Variants in CHL1 observed in about 807,000 individuals in gnomAD.
CHL1 encodes the protein cell adhesion molecule L1 like.
A neutral mutation model predicts 141.9 loss-of-function variants in CHL1; 96 were observed. The ratio of observed to expected loss-of-function variants is 0.68; its 90% confidence interval spans 0.57 to 0.80. The LOEUF (loss-of-function observed/expected upper bound fraction) is 0.80, where lower values mean the gene tolerates loss of function less well. CHL1 is among the 30% of genes least tolerant of loss of function. CHL1 has a pLI of 0.00. For missense variants in CHL1, 1,820 were observed against 1,457.2 expected (o/e 1.25, Z -4.05); for synonymous variants, 613 against 502.2 (o/e 1.22, Z -2.95).
At position 328,257 on chromosome 3, in the gene CHL1, C is replaced by T. The variant is rs777628797; in HGVS notation, c.288C>T (p.Asn96=). Reference sequence around the variant, plus strand: ...ATTCAGGAACATTCAGGATCCCAAACGAGGGGCACATATCTCACTTTCAAG... The same window carrying T: ...ATTCAGGAACATTCAGGATCCCAAATGAGGGGCACATATCTCACTTTCAAG... ...SNNSGTFRIP[N]EGHISHFQGK... Residue 96 remains asparagine (N), a synonymous_variant, in exon 5 of 28, where the codon AAC becomes AAT. Transcript: ENST00000256509. The T allele has an allele frequency of 5.0e-6, 8 of 1,612,646 alleles. No individual in the cohort carries two copies. The South Asian group carries it at 5.5e-5, about 11-fold the overall frequency.
intron 2 of CHL1, among the ~76,000 whole-genome samples, chr3:276,691 C>T (rs183223355): frequency 0.015 from 2,277 of 151,824 alleles, 18 homozygotes; most frequent in Middle Eastern, 0.034. Flanking sequence ...AGATTGAGAC[C>T]GTCCTGGCTA....
intron 2 of CHL1, among the ~76,000 whole-genome samples, chr3:302,232 A>C (rs1339871609): frequency 2.0e-5 from 3 of 152,166 alleles, no homozygotes; most frequent in South Asian, 2.1e-4. Flanking sequence ...CTATCGTAGA[A>C]TGATTTATAA....
chr3:293,498 C>G (rs1020703050), intron 2 of CHL1, among the ~76,000 whole-genome samples: 1 of 151,880 alleles, frequency 6.6e-6, no homozygotes, highest in African/African-American at 2.4e-5. Context: ...GAGTGACACT[C>G]CATCAAAAAA....
chr3:316,409 G>T (rs1334012231), intron 2 of CHL1, among the ~76,000 whole-genome samples: 16 of 150,974 alleles, frequency 1.1e-4, no homozygotes, highest in Admixed American at 1.1e-3. Context: ...GCTTTTGATG[G>T]CAAAAACCAC....
intron 2 of CHL1, among the ~76,000 whole-genome samples, chr3:308,318 G>T (rs1221917691): frequency 6.6e-6 from 1 of 152,118 alleles, no homozygotes; most frequent in East Asian, 1.9e-4. Context: ...ATAATGAATA[G>T]GATCTGGCAA....
intron 2 of CHL1, among the ~76,000 whole-genome samples, chr3:273,874 A>G (rs1360286916): frequency 6.6e-6 from 1 of 152,162 alleles, no homozygotes; most frequent in African/African-American, 2.4e-5. Flanking sequence ...CCATGCTGTA[A>G]CCAGATAATT....
At chr3:292,808 C>T (rs1697813563) in intron 2 of CHL1, among the ~76,000 whole-genome samples, 1 of 152,128 alleles carries the variant, frequency 6.6e-6, no homozygotes, top group African/African-American at 2.4e-5. Context: ...GCGCCACACG[C>T]TTCTAAACAA....
chr3:249,993 G>A lies in CHL1; in HGVS notation c.-95+5301G>A, dbSNP rs1426832152. 2.0e-5 allele frequency among the ~76,000 whole-genome samples: 3 copies of A among 151,272 alleles called. No individual in the cohort carries two copies. In the East Asian group the frequency reaches 5.8e-4, roughly 29 times the overall value. ...AGCATACTTTTTTTTTTTGAGACATGTCTCACTCTGTCACCCAGGTTGGAA... is the reference window on the plus strand; with the variant it reads ...AGCATACTTTTTTTTTTTGAGACATATCTCACTCTGTCACCCAGGTTGGAA... On this transcript the variant is annotated intron_variant, in intron 2 of 27. Coordinates refer to ENST00000256509, the MANE Select transcript of CHL1 (RefSeq NM_006614.4).
chr3:311,293 C>A (rs1292995391), intron 2 of CHL1, among the ~76,000 whole-genome samples: 1 of 151,670 alleles, frequency 6.6e-6, no homozygotes, highest in Non-Finnish European at 1.5e-5. Context: ...GGGAAGCCAT[C>A]AAACTGTACT....
intron 2 of CHL1, among the ~76,000 whole-genome samples, chr3:253,000 C>T (rs1396311000): frequency 6.6e-6 from 1 of 151,972 alleles, no homozygotes; most frequent in Admixed American, 6.6e-5. Flanking sequence ...TATTTAGGAA[C>T]ATATGCTTTG....
intron 5 of CHL1, among the ~76,000 whole-genome samples, chr3:329,242 C>T (rs999708600): frequency 4.6e-5 from 7 of 151,992 alleles, no homozygotes; most frequent in African/African-American, 1.4e-4. Flanking sequence ...AACTGTCAGC[C>T]AGCTTCTATT....
intron 18 of CHL1, among the ~76,000 whole-genome samples, chr3:383,472 G>A (rs1196483473): frequency 1.3e-5 from 2 of 152,008 alleles, no homozygotes; most frequent in Non-Finnish European, 2.9e-5. Context: ...AGAAAAAATA[G>A]AGCAGGCTTA....
chr3:337,254 A>G lies in CHL1; in HGVS notation c.386-3540A>G, dbSNP rs1334198293. ...CGCCCAGGCTGGAGGGCAGTGGCAC[A>G]ATCTCTGCTCACTGCAAGCTCCGCC... On this transcript the variant is annotated intron_variant, in intron 5 of 27. Transcript: ENST00000256509. 4.2e-5 allele frequency among the ~76,000 whole-genome samples: 6 copies of G among 142,726 alleles called. No homozygotes were observed. The South Asian group carries it at 8.7e-4, about 21-fold the overall frequency. 93.6% of individuals were successfully genotyped at this position (142,726 alleles called of 152,430 possible). A position where few individuals can be genotyped will look rare whatever the true frequency, so the allele number is the denominator to read the frequency against.
chr3:389,299 G>A lies in CHL1; in HGVS notation c.2295G>A (p.Val765=), dbSNP rs549419065. 1 of 1,613,924 alleles carries A rather than the reference G, an allele frequency of 6.2e-7. No individual in the cohort carries two copies. The highest frequency in any genetic ancestry group is 1.1e-5 in the South Asian group (1 of 91,010). Residue 765 remains valine, a synonymous_variant, in exon 20 of 28, where the codon GTG becomes GTA. Coordinates refer to ENST00000256509, the MANE Select transcript of CHL1 (RefSeq NM_006614.4). The stretch of plus-strand genomic sequence containing the variant: ...ATGGACCAGGCCTAGAGTACAGAGT[G>A]ACCTGGAAGCCACAGGGAGCCCCAG... ...EQNGPGLEYR[V]TWKPQGAPVE...
At chr3:359,872 C>A (rs1704056794) in intron 11 of CHL1, among the ~76,000 whole-genome samples, 1 of 152,114 alleles carries the variant, frequency 6.6e-6, no homozygotes, top group Admixed American at 6.6e-5. Context: ...AAATAGCAGC[C>A]AGTACTGGTA....
At chr3:224,651 G>C (rs1425362851) in intron 1 of CHL1, among the ~76,000 whole-genome samples, 3 of 152,248 alleles carry the variant, frequency 2.0e-5, no homozygotes, top group Non-Finnish European at 1.5e-5. Flanking sequence ...CCAGTGCCAT[G>C]CTTGTACAGC....
intron 1 of CHL1, among the ~76,000 whole-genome samples, chr3:211,795 G>C (rs1699925137): frequency 6.6e-6 from 1 of 152,030 alleles, no homozygotes; most frequent in Non-Finnish European, 1.5e-5. Flanking sequence ...GTTCTGTATT[G>C]GTAATACTAT....
At chr3:400,217 C>T (rs1476578810) in intron 26 of CHL1, among the ~76,000 whole-genome samples, 2 of 152,056 alleles carry the variant, frequency 1.3e-5, no homozygotes, top group African/African-American at 2.4e-5. Context: ...ATTGGGAACC[C>T]GTCATCTACA....
intron 4 of CHL1, 41 bp downstream of exon 4, chr3:326,105 C>G (rs1043282079): frequency 8.1e-7 from 1 of 1,237,156 alleles, no homozygotes; most frequent in Non-Finnish European, 1.2e-6. Context: ...TAAATGCGTG[C>G]TGTTCTTTAT....
Sources: allele counts gnomAD v4.1 joint callset (sites outside exome capture counted in the v4.1 genomes callset), GRCh38; gene constraint gnomAD v4.1.1; transcripts MANE v1.5; gene names NCBI Gene and HGNC (gene_info 2026-07-23, HGNC 2026-07-21).